The following SHTN1 variants were observed in gnomAD, a reference collection of about 807,000 sequenced individuals.
SHTN1 encodes the protein shootin 1, also known as shootin-1.
Under a neutral mutation model 83.1 loss-of-function variants are expected in SHTN1, and 42 were observed. That is an observed-to-expected ratio of 0.51 (90% CI 0.39 to 0.65). SHTN1 has a LOEUF of 0.65. Ranked by LOEUF, SHTN1 falls within the 30% of genes least tolerant of loss-of-function variation. The pLI is 0.00. For missense variants in SHTN1, 622 were observed against 737.8 expected (o/e 0.84, Z 1.82); for synonymous variants, 224 against 247.7 (o/e 0.90, Z 0.90).
rs1170314929 is a variant in SHTN1, at chr10:116,882,574, A to G, written c.*3770T>C. 1 of 152,158 alleles carries G rather than the reference A, an allele frequency of 6.6e-6. No individual in the cohort carries two copies. The highest frequency in any genetic ancestry group is 1.9e-4 in the East Asian group (1 of 5,190). 9.4% of individuals were successfully genotyped at this position (152,158 alleles called of 1,614,324 possible). On this transcript the variant is annotated 3_prime_UTR_variant, in exon 17 of 17. Coordinates refer to ENST00000355371, the MANE Select transcript of SHTN1 (RefSeq NM_001127211.3). ...TTAGGGTCTCGTTAAAATGGTTACC[A>G]TTTGCTTCTCCTAAAAATTATATAA...
At chr10:117,053,718 A>G (rs1394063139) in intron 1 of SHTN1, among the ~76,000 whole-genome samples, 3 of 152,236 alleles carry the variant, frequency 2.0e-5, no homozygotes, top group Non-Finnish European at 4.4e-5. Context: ...AAAATTAAAC[A>G]TAGAATTACC....
chr10:117,058,501 C>T (rs964562420), intron 1 of SHTN1, among the ~76,000 whole-genome samples: 1 of 151,970 alleles, frequency 6.6e-6, no homozygotes, highest in Non-Finnish European at 1.5e-5. Flanking sequence ...ATTATGGTGG[C>T]TACTATTAAA....
At chr10:117,073,589 C>A (rs548536726) in intron 1 of SHTN1, among the ~76,000 whole-genome samples, 7 of 152,266 alleles carry the variant, frequency 4.6e-5, no homozygotes, top group Admixed American at 3.9e-4. Flanking sequence ...TTTTGCATTT[C>A]ATTGATTAGC....
At chr10:116,919,526 G>T (rs1307161850) in intron 12 of SHTN1, among the ~76,000 whole-genome samples, 5 of 152,026 alleles carry the variant, frequency 3.3e-5, no homozygotes, top group African/African-American at 1.2e-4. Context: ...AGAAATTCTC[G>T]AATAATTTTT....
intron 1 of SHTN1, among the ~76,000 whole-genome samples, chr10:116,999,447 T>TTG (rs1851745770): frequency 4.6e-5 from 7 of 152,180 alleles, no homozygotes; most frequent in Non-Finnish European, 1.0e-4. Flanking sequence ...GATATTACAA[T>TTG]GGCTTATGGC....
At chr10:117,039,139 C>T (rs1852545789) in intron 2 of SHTN1, among the ~76,000 whole-genome samples, 1 of 152,120 alleles carries the variant, frequency 6.6e-6, no homozygotes, top group Non-Finnish European at 1.5e-5. Flanking sequence ...TACATCCAGA[C>T]AATGGAATAT....
At chr10:117,065,653 G>C (rs1458262770) in intron 1 of SHTN1, among the ~76,000 whole-genome samples, 1 of 148,568 alleles carries the variant, frequency 6.7e-6, no homozygotes, top group Non-Finnish European at 1.5e-5. Context: ...AAGAGATGAA[G>C]GTTGCAGTGA....
chr10:116,987,278 A>G (rs1219731703), intron 1 of SHTN1, among the ~76,000 whole-genome samples: 1 of 152,178 alleles, frequency 6.6e-6, no homozygotes, highest in African/African-American at 2.4e-5. Flanking sequence ...TGATAAAACT[A>G]TGATCTAATC....
chr10:116,959,872 T>C (rs1311312659), intron 4 of SHTN1, among the ~76,000 whole-genome samples: 2 of 152,198 alleles, frequency 1.3e-5, no homozygotes, highest in Non-Finnish European at 2.9e-5. Context: ...GGACCATTTT[T>C]TCCACATTTT....
chr10:116,952,421 A>G (rs1024030049), intron 5 of SHTN1, among the ~76,000 whole-genome samples: 3 of 152,202 alleles, frequency 2.0e-5, no homozygotes, highest in Non-Finnish European at 4.4e-5. Flanking sequence ...GGATGTTAAT[A>G]ATTTGGATAT....
chr10:116,931,315 C>T (rs1290395302), intron 9 of SHTN1, among the ~76,000 whole-genome samples: 1 of 152,110 alleles, frequency 6.6e-6, no homozygotes, highest in African/African-American at 2.4e-5. Context: ...GTGGCGCGAT[C>T]TGGGCTCACT....
At chr10:117,121,557 C>T (rs904630746) in intron 1 of SHTN1, among the ~76,000 whole-genome samples, 8 of 151,190 alleles carry the variant, frequency 5.3e-5, no homozygotes, top group African/African-American at 7.3e-5. Flanking sequence ...CCAGCCTGGC[C>T]GATAGAGTGA....
At chr10:116,945,928 A>G (rs1196713856) in intron 7 of SHTN1, among the ~76,000 whole-genome samples, 2 of 152,186 alleles carry the variant, frequency 1.3e-5, no homozygotes, top group Non-Finnish European at 2.9e-5. Context: ...ATGCCTGTCC[A>G]CATGCATGAA....
intron 16 of SHTN1, among the ~76,000 whole-genome samples, chr10:116,887,332 T>C (rs1292384980): frequency 1.3e-5 from 2 of 152,156 alleles, no homozygotes; most frequent in East Asian, 1.9e-4. Context: ...GGAACAGATA[T>C]CTCTGAAACA....
intron 1 of SHTN1, among the ~76,000 whole-genome samples, chr10:117,085,418 G>A (rs898664454): frequency 6.6e-6 from 1 of 152,134 alleles, no homozygotes; most frequent in South Asian, 2.1e-4. Context: ...TTGGAAGTGT[G>A]TTGTTTAATC....
chr10:117,052,943 C>G (rs1230571981), intron 1 of SHTN1, among the ~76,000 whole-genome samples: 1 of 137,476 alleles, frequency 7.3e-6, no homozygotes, highest in Non-Finnish European at 1.5e-5. Context: ...TGGCGTGAAC[C>G]TAGGAGGTGG....
intron 1 of SHTN1, among the ~76,000 whole-genome samples, chr10:117,114,020 A>G (rs531953042): frequency 6.6e-6 from 1 of 152,168 alleles, no homozygotes; most frequent in Non-Finnish European, 1.5e-5. Flanking sequence ...GCACTGCAGC[A>G]TGGACGACAG....
At chr10:117,102,613 A>C (rs1307390048) in intron 1 of SHTN1, among the ~76,000 whole-genome samples, 1 of 151,790 alleles carries the variant, frequency 6.6e-6, no homozygotes, top group East Asian at 1.9e-4. Context: ...CATTTGTTTC[A>C]CCTCTCAGAT....
chr10:116,914,805 T>C (rs970791934), intron 13 of SHTN1, among the ~76,000 whole-genome samples: 2 of 152,172 alleles, frequency 1.3e-5, no homozygotes, highest in Admixed American at 1.3e-4. Flanking sequence ...GAGTGCTCGC[T>C]GTGGTCTAGT....
Sources: allele counts gnomAD v4.1 joint callset (sites outside exome capture counted in the v4.1 genomes callset), GRCh38; gene constraint gnomAD v4.1.1; transcripts MANE v1.5; gene names NCBI Gene and HGNC (gene_info 2026-07-23, HGNC 2026-07-21).